The following ADGRL3 variants were observed in gnomAD, a reference collection of about 807,000 sequenced individuals.
The protein encoded by ADGRL3 is calcium-independent alpha-latrotoxin receptor 3.
Under a neutral mutation model 153.5 loss-of-function variants are expected in ADGRL3, and 62 were observed. The observed-to-expected ratio is 0.40, with a 90% CI of 0.33 to 0.50. ADGRL3 has a LOEUF of 0.50. Among genes scored for constraint, ADGRL3 ranks in the 20% least tolerant of loss-of-function variants. ADGRL3 has a pLI of 0.47. For missense variants in ADGRL3, 1,641 were observed against 1,859.4 expected, an observed-to-expected ratio of 0.88 and a Z score of 2.16; for synonymous variants, 710 against 672.5, an observed-to-expected ratio of 1.06 and a Z score of -0.86.
At chr4:61,816,671 G>A (rs1580972315) in intron 9 of ADGRL3, among the ~76,000 whole-genome samples, 1 of 152,186 alleles carries the variant, frequency 6.6e-6, no homozygotes, top group Non-Finnish European at 1.5e-5. Flanking sequence ...TAAATGGCCA[G>A]GCAAGGGGCT....
At chr4:61,319,575 A>G (rs760917916) in intron 1 of ADGRL3, among the ~76,000 whole-genome samples, 1 of 152,134 alleles carries the variant, frequency 6.6e-6, no homozygotes, top group Admixed American at 6.6e-5. Context: ...TTTAAAATCA[A>G]TGGCCTTAGA....
intron 1 of ADGRL3, among the ~76,000 whole-genome samples, chr4:61,337,606 A>G (rs991730909): frequency 5.9e-5 from 9 of 152,156 alleles, no homozygotes; most frequent in African/African-American, 2.2e-4. Context: ...CAGTGGAGAT[A>G]ATGTGTTCAC....
intron 2 of ADGRL3, among the ~76,000 whole-genome samples, chr4:61,492,679 A>G (rs1388718841): frequency 6.6e-6 from 1 of 152,160 alleles, no homozygotes; most frequent in African/African-American, 2.4e-5. Context: ...TGTTGAAAGG[A>G]ATAACAAAAA....
At chr4:62,064,829 G>A (rs1312836615) in intron 25 of ADGRL3, among the ~76,000 whole-genome samples, 4 of 152,052 alleles carry the variant, frequency 2.6e-5, no homozygotes, top group Non-Finnish European at 5.9e-5. Flanking sequence ...CTTGCCAGAT[G>A]CGGAGGATGA....
chr4:61,475,099 C>G (rs1347615849), intron 2 of ADGRL3, among the ~76,000 whole-genome samples: 1 of 152,170 alleles, frequency 6.6e-6, no homozygotes, highest in African/African-American at 2.4e-5. Context: ...TTTCCGTACT[C>G]TAATTCAACA....
intron 1 of ADGRL3, among the ~76,000 whole-genome samples, chr4:61,372,052 A>G (rs1321821438): frequency 1.3e-5 from 2 of 152,012 alleles, no homozygotes; most frequent in African/African-American, 4.8e-5. Flanking sequence ...TTCTTCACGT[A>G]GTTCTCGAGC....
rs535154777 is a variant in ADGRL3, at chr4:61,453,233, CAT to C, written c.-173-43887_-173-43886del. Among the ~76,000 whole-genome samples, 436 of 152,146 alleles carry C rather than the reference CAT, an allele frequency of 2.9e-3. 1 individual carries two copies. The highest frequency in any genetic ancestry group is 9.7e-3 in the African/African-American group (401 of 41,532). ...TTTTAAAGGATTTAAGAATTGGTAA[CAT>C]GTGAGAAATATATAACAGATATAAC... On this transcript the variant is annotated intron_variant, in intron 2 of 26. Transcript: ENST00000683033.
chr4:61,239,156 T>C (rs1753971347), intron 1 of ADGRL3, among the ~76,000 whole-genome samples: 1 of 152,140 alleles, frequency 6.6e-6, no homozygotes, highest in South Asian at 2.1e-4. Context: ...TTAAATGGTT[T>C]CTATAACAAA....
At chr4:61,739,722 C>G (rs917690147) in intron 8 of ADGRL3, among the ~76,000 whole-genome samples, 5 of 152,266 alleles carry the variant, frequency 3.3e-5, no homozygotes, top group Admixed American at 3.3e-4. Context: ...GTCACTCCCC[C>G]CACCCTGTAC....
chr4:61,214,979 G>A (rs957605041), intron 1 of ADGRL3, among the ~76,000 whole-genome samples: 3 of 151,980 alleles, frequency 2.0e-5, no homozygotes, highest in Non-Finnish European at 4.4e-5. Context: ...AATGTGAAAT[G>A]TCCAGTAGTC....
At chr4:61,884,717 G>C (rs375931153) in intron 9 of ADGRL3, among the ~76,000 whole-genome samples, 2 of 151,694 alleles carry the variant, frequency 1.3e-5, no homozygotes, top group Non-Finnish European at 2.9e-5. Flanking sequence ...CTCTGCCCGC[G>C]GGGTTCAAGC....
intron 4 of ADGRL3, among the ~76,000 whole-genome samples, chr4:61,553,375 A>G (rs1054723491): frequency 1.3e-5 from 2 of 152,206 alleles, no homozygotes; most frequent in Admixed American, 6.5e-5. Context: ...ACAGTAGACA[A>G]AATGGAAAAA....
intron 1 of ADGRL3, among the ~76,000 whole-genome samples, chr4:61,309,912 G>A (rs941101602): frequency 6.6e-6 from 1 of 151,938 alleles, no homozygotes; most frequent in Non-Finnish European, 1.5e-5. Context: ...TTTCTCCTTT[G>A]CAAGCAACTT....
chr4:61,704,381 C>T (rs1222022717), intron 6 of ADGRL3, among the ~76,000 whole-genome samples: 1 of 152,094 alleles, frequency 6.6e-6, no homozygotes, highest in East Asian at 1.9e-4. Flanking sequence ...AATGTTTATA[C>T]TATACTGTAG....
chr4:61,769,548 C>A (rs1009702555), intron 8 of ADGRL3, among the ~76,000 whole-genome samples: 1 of 152,006 alleles, frequency 6.6e-6, no homozygotes, highest in Non-Finnish European at 1.5e-5. Context: ...AAATTTCATG[C>A]GCGTCCATGT....
At chr4:61,398,241 A>G (rs1413001981) in intron 2 of ADGRL3, among the ~76,000 whole-genome samples, 2 of 151,764 alleles carry the variant, frequency 1.3e-5, no homozygotes, top group Non-Finnish European at 2.9e-5. Context: ...AGATTTTGAA[A>G]CTTTAAAAAG....
At chr4:61,362,291 T>C (rs1237121389) in intron 1 of ADGRL3, among the ~76,000 whole-genome samples, 1 of 151,064 alleles carries the variant, frequency 6.6e-6, no homozygotes. Context: ...GCATGACTCA[T>C]GGCACCCTGC....
intron 2 of ADGRL3, among the ~76,000 whole-genome samples, chr4:61,477,511 A>T (rs1478753797): frequency 6.6e-6 from 1 of 152,162 alleles, no homozygotes; most frequent in Non-Finnish European, 1.5e-5. Flanking sequence ...GGAATCAAGG[A>T]TTTTAACTGT....
rs570164112 is a variant in ADGRL3, at chr4:61,683,471, G to A, written c.583+6536G>A. Among the ~76,000 whole-genome samples the A allele has an allele frequency of 1.5e-3, 232 of 152,154 alleles. 2 individuals are homozygous for A. The highest frequency in any genetic ancestry group is 5.1e-3 in the African/African-American group (213 of 41,524). ...ATGAGGGGATACAGGGGTGGTTCCC[G>A]TACCTGAAGATGAGAAAGTGCCCCG... On this transcript the variant is annotated intron_variant, in intron 6 of 26. Transcript: ENST00000683033.
Sources: allele counts gnomAD v4.1 joint callset (sites outside exome capture counted in the v4.1 genomes callset), GRCh38; gene constraint gnomAD v4.1.1; transcripts MANE v1.5; gene names NCBI Gene and HGNC (gene_info 2026-07-23, HGNC 2026-07-21).